The following SLC14A2 variants were observed in gnomAD, a reference collection of about 807,000 sequenced individuals.
SLC14A2 encodes the protein urea transporter 2.
Under a neutral mutation model 104.6 loss-of-function variants are expected in SLC14A2, and 91 were observed. The observed-to-expected ratio is 0.87, with a 90% CI of 0.73 to 1.04. SLC14A2 has a LOEUF of 1.04. Ranked by LOEUF, SLC14A2 falls within the 50% of genes least tolerant of loss-of-function variation. The pLI, the probability that SLC14A2 is intolerant of heterozygous loss-of-function variation, is 0.00. For synonymous variants in SLC14A2, 476 were observed against 466.4 expected (o/e 1.02, Z -0.27); for missense variants, 1,189 against 1,156.0 (o/e 1.03, Z -0.41).
intron 2 of SLC14A2, among the ~76,000 whole-genome samples, chr18:45,570,001 T>A (rs1311218999): frequency 6.6e-6 from 1 of 152,048 alleles, no homozygotes; most frequent in Non-Finnish European, 1.5e-5. Context: ...AATTATAGAG[T>A]CATCAAAAAT....
chr18:45,493,463 AAC>A lies in SLC14A2; in HGVS notation c.-35+10144_-35+10145del, dbSNP rs1568239376. ...TTCATGGTATATAGCTCATAATAGCAACACCTATAATAACAACAGCATTATCT... is the reference window on the plus strand; with the variant it reads ...TTCATGGTATATAGCTCATAATAGCAACCTATAATAACAACAGCATTATCT... On this transcript the variant is annotated intron_variant, in intron 2 of 20. Coordinates refer to the SLC14A2 transcript ENST00000586448. Among the ~76,000 whole-genome samples the A allele has an allele frequency of 3.9e-5, 6 of 152,234 alleles. No homozygotes were observed. In the South Asian group the frequency reaches 1.2e-3, roughly 32 times the overall value.
At chr18:45,295,725 C>T (rs1887987631) in intron 1 of SLC14A2, among the ~76,000 whole-genome samples, 2 of 152,098 alleles carry the variant, frequency 1.3e-5, no homozygotes, top group African/African-American at 4.8e-5. Flanking sequence ...ATTTCTGCAC[C>T]ACCAATCACA....
chr18:45,357,237 AT>A (rs56321113), intron 1 of SLC14A2, among the ~76,000 whole-genome samples: 212 of 126,422 alleles, frequency 1.7e-3, no homozygotes, highest in Middle Eastern at 4.3e-3. Context: ...TTGGGACACA[AT>A]TTTTTTTTTT....
At chr18:45,418,477 G>A (rs1236681735) in intron 1 of SLC14A2, among the ~76,000 whole-genome samples, 1 of 152,182 alleles carries the variant, frequency 6.6e-6, no homozygotes, top group African/African-American at 2.4e-5. Context: ...TAGCAGGAGT[G>A]AAGTAGGAGA....
chr18:45,529,603 C>A (rs1368024013), intron 2 of SLC14A2: 1 of 152,170 alleles, frequency 6.6e-6, no homozygotes, highest in Non-Finnish European at 1.5e-5. Flanking sequence ...GTTTTTTCCA[C>A]CCTCTGCCTT....
At chr18:45,250,303 C>A (rs924135136) in intron 1 of SLC14A2, among the ~76,000 whole-genome samples, 1 of 152,166 alleles carries the variant, frequency 6.6e-6, no homozygotes, top group Non-Finnish European at 1.5e-5. Flanking sequence ...CAAACACACA[C>A]GCATGCACAC....
chr18:45,456,158 T>A (rs916618007), intron 1 of SLC14A2, among the ~76,000 whole-genome samples: 2 of 152,048 alleles, frequency 1.3e-5, no homozygotes, highest in African/African-American at 4.8e-5. Context: ...GCTGTGACGA[T>A]CAAAAGTGTC....
intron 1 of SLC14A2, among the ~76,000 whole-genome samples, chr18:45,382,254 C>A (rs2144384974): frequency 6.6e-6 from 1 of 152,092 alleles, no homozygotes; most frequent in East Asian, 1.9e-4. Context: ...GGTGTGTTTA[C>A]CATACAAATA....
chr18:45,198,399 A>T, the SLC14A2 span, among the ~76,000 whole-genome samples: 1 of 152,148 alleles, frequency 6.6e-6, no homozygotes, highest in South Asian at 2.1e-4. Flanking sequence ...TATTTAAAAC[A>T]TTGCATCTAG....
chr18:45,251,709 C>T (rs756353530), intron 1 of SLC14A2, among the ~76,000 whole-genome samples: 4 of 152,136 alleles, frequency 2.6e-5, no homozygotes, highest in Non-Finnish European at 4.4e-5. Context: ...CCTCTTATAA[C>T]GACACCAGTC....
chr18:45,267,744 A>T (rs189813502), intron 1 of SLC14A2, among the ~76,000 whole-genome samples: 76 of 152,272 alleles, frequency 5.0e-4, no homozygotes, highest in African/African-American at 1.8e-3. Context: ...CATTATTGTT[A>T]TGGGAAATAT....
At chr18:45,183,782 A>G in the SLC14A2 span, among the ~76,000 whole-genome samples, 2 of 149,486 alleles carry the variant, frequency 1.3e-5, no homozygotes, top group Non-Finnish European at 3.0e-5. Context: ...CTCAGGCTGG[A>G]TGGAGTGCAG....
chr18:45,434,320 A>C (rs1026374344), intron 1 of SLC14A2, among the ~76,000 whole-genome samples: 8 of 152,224 alleles, frequency 5.3e-5, no homozygotes, highest in African/African-American at 1.9e-4. Context: ...ATCCTCAATG[A>C]TATAAGACAC....
At chr18:45,213,619 T>C (rs1014037449) in intron 1 of SLC14A2, among the ~76,000 whole-genome samples, 2 of 152,212 alleles carry the variant, frequency 1.3e-5, no homozygotes, top group Non-Finnish European at 2.9e-5. Context: ...ACGTTAAAGG[T>C]GACTGAGTAA....
At chr18:45,270,556 C>T (rs1308095705) in intron 1 of SLC14A2, among the ~76,000 whole-genome samples, 1 of 152,066 alleles carries the variant, frequency 6.6e-6, no homozygotes, top group African/African-American at 2.4e-5. Flanking sequence ...ATTACTTAGA[C>T]AGCTAGTGGC....
chr18:45,256,519 C>T (rs2084480210), intron 1 of SLC14A2, among the ~76,000 whole-genome samples: 1 of 152,202 alleles, frequency 6.6e-6, no homozygotes, highest in Non-Finnish European at 1.5e-5. Flanking sequence ...AACTCCAATG[C>T]CTCATTCCCT....
intron 1 of SLC14A2, among the ~76,000 whole-genome samples, chr18:45,235,959 GTA>G (rs1176858991): frequency 1.1e-5 from 1 of 91,700 alleles, no homozygotes; most frequent in African/African-American, 4.9e-5. Flanking sequence ...GTGTATATAT[GTA>G]TATATACATA....
intron 2 of SLC14A2, among the ~76,000 whole-genome samples, chr18:45,603,612 C>T (rs1394586467): frequency 1.3e-5 from 2 of 152,264 alleles, no homozygotes; most frequent in African/African-American, 2.4e-5. Context: ...ATTCTCCTCC[C>T]TCTGCCTTTA....
Position 45,505,763 on chromosome 18 carries a change from T to C in SLC14A2, c.-35+22441T>C, listed in dbSNP as rs184504960. On this transcript the variant is annotated intron_variant, in intron 2 of 20. Coordinates refer to the SLC14A2 transcript ENST00000586448. ...AGCATCTGTTGCCTTTTCTGTTATT[T>C]TTGGCCAGGTTTGGTTTATTTGTAT... 2.0e-4 allele frequency among the ~76,000 whole-genome samples: 30 copies of C among 152,296 alleles called. 2 individuals are homozygous for C. Among genetic ancestry groups the C allele is most frequent in the Admixed American group, 7.2e-4 (11 of 15,304 alleles).
Sources: allele counts gnomAD v4.1 joint callset (sites outside exome capture counted in the v4.1 genomes callset), GRCh38; gene constraint gnomAD v4.1.1; transcripts MANE v1.5; gene names NCBI Gene and HGNC (gene_info 2026-07-23, HGNC 2026-07-21).